PKD2L2: variants seen among roughly 807,000 people sequenced by gnomAD.
PKD2L2 encodes the protein polycystin-2-like protein 2.
A neutral mutation model predicts 83.9 loss-of-function variants in PKD2L2; 67 were observed. The observed-to-expected ratio is 0.80, with a 90% CI of 0.66 to 0.98. PKD2L2 has a LOEUF of 0.98. Among genes scored for constraint, PKD2L2 ranks in the 50% least tolerant of loss-of-function variants. The pLI, the probability that PKD2L2 is intolerant of heterozygous loss-of-function variation, is 0.00. For synonymous variants in PKD2L2, 223 were observed against 237.8 expected (o/e 0.94, Z 0.57); for missense variants, 632 against 717.2 (o/e 0.88, Z 1.36).
intron 12 of PKD2L2, among the ~76,000 whole-genome samples, chr5:137,934,536 C>T (rs1459696413): frequency 6.6e-6 from 1 of 152,072 alleles, no homozygotes; most frequent in Non-Finnish European, 1.5e-5. Flanking sequence ...AGGCTGGGCG[C>T]GGTGGCTCGC....
chr5:137,912,801 CTTTCTTT>C (rs1321395110), intron 8 of PKD2L2, among the ~76,000 whole-genome samples: 1 of 99,858 alleles, frequency 1.0e-5, no homozygotes, highest in Admixed American at 1.2e-4. Flanking sequence ...TGTTTTCTTT[CTTTCTTT>C]TTTTTTTTTT....
At chr5:137,895,875 C>A in intron 4 of PKD2L2, among the ~76,000 whole-genome samples, 1 of 125,612 alleles carries the variant, frequency 8.0e-6, no homozygotes, top group Admixed American at 8.4e-5. Context: ...GAGACACAGT[C>A]TCAAAAAAAA....
chr5:137,908,931 C>A lies in PKD2L2; in HGVS notation c.1313C>A (p.Thr438Asn). The A allele has an allele frequency of 6.2e-7, 1 of 1,600,012 alleles. No individual in the cohort carries two copies. The highest frequency in any genetic ancestry group is 8.5e-7 in the Non-Finnish European group (1 of 1,170,520). Residue 438 changes from threonine to asparagine, a missense_variant, in exon 8 of 15, where the codon ACT becomes AAT. Thr to Asn is a moderately conservative substitution (Grantham distance 65). Transcript: ENST00000508883. ...VFGSQVDDFS[T>N]FQNSIFAQFR... ...GGATCACAAGTTGATGACTTTTCCACTTTTCAGAATTCCATGTAAGCTCTT... is the reference window on the plus strand; with the variant it reads ...GGATCACAAGTTGATGACTTTTCCAATTTTCAGAATTCCATGTAAGCTCTT...
chr5:137,894,321 T>C (rs1167048463), intron 3 of PKD2L2, 32 bp from the exon 4 acceptor site: 1 of 1,552,860 alleles, frequency 6.4e-7, no homozygotes, highest in African/African-American at 1.4e-5. Context: ...ATGAAAATAT[T>C]TTTCCCATGA....
At chr5:137,932,313 A>G (rs1580996377) in intron 12 of PKD2L2, among the ~76,000 whole-genome samples, 1 of 151,732 alleles carries the variant, frequency 6.6e-6, no homozygotes, top group East Asian at 1.9e-4. Flanking sequence ...ACGCCACTGC[A>G]CTCCAGCCTG....
intron 9 of PKD2L2, among the ~76,000 whole-genome samples, chr5:137,923,189 T>A (rs1400728902): frequency 6.6e-6 from 1 of 152,046 alleles, no homozygotes; most frequent in East Asian, 1.9e-4. Context: ...CTAATTTTTG[T>A]ATTTTTAGTA....
intron 14 of PKD2L2, chr5:137,940,380 A>G (rs1761283034): frequency 1.3e-6 from 2 of 1,519,802 alleles, no homozygotes; most frequent in Non-Finnish European, 8.9e-7. Flanking sequence ...GTAATGTTCT[A>G]GAGATCATTT....
At chr5:137,920,817 T>C (rs868621373) in intron 8 of PKD2L2, among the ~76,000 whole-genome samples, 12 of 152,186 alleles carry the variant, frequency 7.9e-5, no homozygotes, top group South Asian at 2.1e-4. Context: ...TGAGTATTAT[T>C]ATCAGCACTT....
chr5:137,923,634 C>T (rs892718704), intron 10 of PKD2L2, 113 bp downstream of exon 10: 2 of 672,150 alleles, frequency 3.0e-6, no homozygotes, highest in African/African-American at 3.7e-5. Context: ...CCACTCCCAC[C>T]CCATCCCATC....
At chr5:137,901,146 A>AAAAG (rs879264218) in intron 5 of PKD2L2, among the ~76,000 whole-genome samples, 2 of 151,892 alleles carry the variant, frequency 1.3e-5, no homozygotes, top group Non-Finnish European at 2.9e-5. Flanking sequence ...CAAAAAAAAA[A>AAAAG]AAAGAAAGAA....
intron 1 of PKD2L2, chr5:137,889,849 GT>G: frequency 5.9e-6 from 2 of 336,842 alleles, no homozygotes; most frequent in Non-Finnish European, 1.1e-5. Flanking sequence ...AAGCCGAGGT[GT>G]TTTTCCCCTG....
At chr5:137,942,150 G>A in intron 14 of PKD2L2, 2 of 868,602 alleles carry the variant, frequency 2.3e-6, no homozygotes, top group Non-Finnish European at 3.6e-6. Flanking sequence ...GGAACTGTTA[G>A]GTCTACCAAT....
intron 8 of PKD2L2, among the ~76,000 whole-genome samples, chr5:137,915,776 T>C (rs887745893): frequency 6.6e-6 from 1 of 152,244 alleles, no homozygotes; most frequent in Non-Finnish European, 1.5e-5. Context: ...TCTTAAATTA[T>C]GTAGAAAACA....
intron 5 of PKD2L2, among the ~76,000 whole-genome samples, chr5:137,904,638 G>A (rs1757221321): frequency 6.6e-6 from 1 of 152,026 alleles, no homozygotes; most frequent in Non-Finnish European, 1.5e-5. Flanking sequence ...GGAAGGAAGA[G>A]GTTCAGAAAA....
chr5:137,939,379 G>A (rs182224747), intron 14 of PKD2L2: 1 of 152,802 alleles, frequency 6.5e-6, no homozygotes, highest in East Asian at 1.9e-4. Context: ...CCTACATACT[G>A]ACATGGCTAT....
At chr5:137,923,637 A>C in intron 10 of PKD2L2, 116 bp downstream of exon 10, 1 of 667,910 alleles carries the variant, frequency 1.5e-6, no homozygotes, top group East Asian at 2.8e-5. Flanking sequence ...CTCCCACCCC[A>C]TCCCATCCCC....
At chr5:137,923,658 TTG>T in intron 10 of PKD2L2, 137 bp downstream of exon 10, 1 of 633,940 alleles carries the variant, frequency 1.6e-6, no homozygotes, top group East Asian at 2.9e-5. Flanking sequence ...AGGGTTTGTT[TTG>T]TGTTTTGATC....
At chr5:137,899,387 G>A (rs1756762057) in intron 4 of PKD2L2, 129 bp from the exon 5 acceptor site, 3 of 646,638 alleles carry the variant, frequency 4.6e-6, no homozygotes, top group Non-Finnish European at 8.2e-6. Flanking sequence ...AAAGTGTTGG[G>A]ATTACAGGCA....
At chr5:137,904,935 T>G (rs1333981585) in intron 5 of PKD2L2, among the ~76,000 whole-genome samples, 1 of 152,196 alleles carries the variant, frequency 6.6e-6, no homozygotes, top group Admixed American at 6.5e-5. Context: ...ACAAATAAAC[T>G]GCCTTAAGCA....
Sources: gnomAD v4.1 joint callset for allele counts (sites outside exome capture counted in the v4.1 genomes callset) on GRCh38, gnomAD v4.1.1 for gene constraint, MANE v1.5 for transcripts, NCBI Gene and HGNC (gene_info 2026-07-23, HGNC 2026-07-21) for gene names.